ARID1B: variants seen among roughly 807,000 people sequenced by gnomAD.
The protein encoded by ARID1B is AT-rich interaction domain 1B, also known as AT-rich interactive domain-containing protein 1B.
In ARID1B, 30 loss-of-function variants were observed where a neutral mutation model predicts 212.3. The observed-to-expected ratio is 0.14, with a 90% confidence interval of 0.11 to 0.19. ARID1B has a LOEUF of 0.19. Ranked by LOEUF, ARID1B falls within the 10% of genes least tolerant of loss-of-function variation. ARID1B has a pLI of 1.00. For synonymous variants in ARID1B, 1,402 were observed against 1,301.7 expected (o/e 1.08, Z -1.66); for missense variants, 2,891 against 3,204.0 (o/e 0.90, Z 2.36).
chr6:156,998,542 A>G (rs1049229387), intron 4 of ARID1B, among the ~76,000 whole-genome samples: 1 of 152,134 alleles, frequency 6.6e-6, no homozygotes, highest in African/African-American at 2.4e-5. Flanking sequence ...TTTTGAAAGA[A>G]GTTGAGAAAA....
At position 156,829,438 on chromosome 6, in the gene ARID1B, C is replaced by T. The variant is rs374035605; in HGVS notation, c.1986+17C>T. The T allele has an allele frequency of 1.3e-5, 21 of 1,603,288 alleles. No individual in the cohort carries two copies. Among genetic ancestry groups the T allele is most frequent in the African/African-American group, 4.0e-5 (3 of 74,444 alleles). On this transcript the variant is annotated intron_variant, in intron 2 of 19. Coordinates refer to ENST00000636930, the MANE Select transcript of ARID1B (RefSeq NM_001374828.1). Reference sequence around the variant, plus strand: ...CAGCAGCAGGTTTGTGCTGGTCCCCCGACCCGCTGCTTTTTTGTAATAGTT... The same window carrying T: ...CAGCAGCAGGTTTGTGCTGGTCCCCTGACCCGCTGCTTTTTTGTAATAGTT...
intron 8 of ARID1B, among the ~76,000 whole-genome samples, chr6:157,161,774 G>A (rs1197925602): frequency 6.6e-6 from 1 of 152,170 alleles, no homozygotes; most frequent in Admixed American, 6.5e-5. Flanking sequence ...TTGGGTTTAA[G>A]TGATAAAGTG....
At chr6:156,853,403 G>A (rs1010387722) in intron 2 of ARID1B, among the ~76,000 whole-genome samples, 1 of 152,196 alleles carries the variant, frequency 6.6e-6, no homozygotes, top group Admixed American at 6.5e-5. Context: ...AGTCCTCTAG[G>A]GTGGTCAGTT....
chr6:156,924,352 T>C (rs569024595), intron 3 of ARID1B, among the ~76,000 whole-genome samples: 2 of 152,258 alleles, frequency 1.3e-5, no homozygotes, highest in South Asian at 4.1e-4. Context: ...TCTTTGCTTA[T>C]TAAGTCAAGA....
chr6:156,788,561 A>G (rs1779800299), intron 1 of ARID1B, among the ~76,000 whole-genome samples: 2 of 152,208 alleles, frequency 1.3e-5, no homozygotes, highest in African/African-American at 4.8e-5. Flanking sequence ...AAAGGAACGA[A>G]GTTGCAAAAA....
intron 4 of ARID1B, among the ~76,000 whole-genome samples, chr6:157,079,948 C>CT (rs1038646803): frequency 8.5e-5 from 13 of 152,214 alleles, no homozygotes; most frequent in Middle Eastern, 3.4e-3. Context: ...AATTAAGAGA[C>CT]TTTTTTTGAA....
chr6:156,993,238 C>CA (rs1384517648), intron 4 of ARID1B, among the ~76,000 whole-genome samples: 5 of 152,148 alleles, frequency 3.3e-5, no homozygotes, highest in Non-Finnish European at 5.9e-5. Flanking sequence ...GATGGGGTTT[C>CA]ACCATGTTGG....
intron 1 of ARID1B, among the ~76,000 whole-genome samples, chr6:156,828,126 G>A (rs1156960347): frequency 6.8e-6 from 1 of 146,434 alleles, no homozygotes; most frequent in African/African-American, 2.5e-5. Flanking sequence ...GTGGAGTGGT[G>A]TGATCATAGC....
intron 1 of ARID1B, among the ~76,000 whole-genome samples, chr6:156,806,000 G>A (rs532291292): frequency 6.6e-6 from 1 of 152,094 alleles, no homozygotes; most frequent in African/African-American, 2.4e-5. Flanking sequence ...TTGAAACCCT[G>A]TAATGTGAGT....
intron 7 of ARID1B, among the ~76,000 whole-genome samples, chr6:157,145,711 T>C (rs1789679115): frequency 6.6e-6 from 1 of 152,212 alleles, no homozygotes; most frequent in Non-Finnish European, 1.5e-5. Flanking sequence ...GCAGAGTGTG[T>C]CATGCTTGGA....
In ARID1B at chr6:157,210,585, C is replaced by G. The variant is rs960133137; in HGVS notation, c.*2694C>G. The stretch of plus-strand genomic sequence containing the variant: ...ACAGAAGCCCACGAAGAATTTACAG[C>G]CTGCTTGAGATCATCTTGCCTATAA... On this transcript the variant is annotated 3_prime_UTR_variant, in exon 20 of 20. Transcript: ENST00000636930. The G allele has an allele frequency of 2.6e-5, 6 of 232,308 alleles. No individual in the cohort carries two copies. The highest frequency in any genetic ancestry group is 4.2e-5 in the Non-Finnish European group (5 of 117,710). The allele number at this position is 232,308 out of a possible 1,614,324, so 14.4% of individuals were successfully genotyped here.
intron 2 of ARID1B, among the ~76,000 whole-genome samples, chr6:156,831,846 A>G (rs1416536885): frequency 6.6e-6 from 1 of 152,246 alleles, no homozygotes. Flanking sequence ...TTAAGCACAG[A>G]TCTTTCTGAT....
intron 4 of ARID1B, among the ~76,000 whole-genome samples, chr6:157,039,854 C>T (rs12180283): frequency 1.1e-3 from 132 of 118,474 alleles, no homozygotes; most frequent in Non-Finnish European, 1.3e-3. Flanking sequence ...CTCTTTCTCT[C>T]TCTTTCTCTC....
chr6:156,899,443 C>A (rs1033993505), intron 2 of ARID1B, among the ~76,000 whole-genome samples: 1 of 152,254 alleles, frequency 6.6e-6, no homozygotes, highest in Non-Finnish European at 1.5e-5. Flanking sequence ...AGGTGGGGTG[C>A]CAGCAAAGTT....
intron 2 of ARID1B, among the ~76,000 whole-genome samples, chr6:156,883,564 C>G (rs1787268207): frequency 6.6e-6 from 1 of 152,136 alleles, no homozygotes; most frequent in Non-Finnish European, 1.5e-5. Context: ...GTCTTCCATG[C>G]TTTCCTCTCC....
At chr6:156,873,944 AT>A (rs1167166540) in intron 2 of ARID1B, among the ~76,000 whole-genome samples, 2 of 152,130 alleles carry the variant, frequency 1.3e-5, no homozygotes, top group Admixed American at 6.5e-5. Context: ...CTCTTCCTCC[AT>A]CTGCTTTGCC....
At chr6:156,996,387 G>C (rs1778593191) in intron 4 of ARID1B, among the ~76,000 whole-genome samples, 1 of 152,162 alleles carries the variant, frequency 6.6e-6, no homozygotes, top group South Asian at 2.1e-4. Context: ...TCTTGTAAAG[G>C]CATCCTCAAC....
intron 4 of ARID1B, among the ~76,000 whole-genome samples, chr6:157,013,168 G>A (rs60635196): frequency 1.1e-3 from 173 of 152,344 alleles, no homozygotes; most frequent in African/African-American, 3.4e-3. Context: ...CGTGAGCCAC[G>A]GCGCCCTGCC....
chr6:157,151,535 A>G (rs1212443629), intron 8 of ARID1B: 3 of 152,256 alleles, frequency 2.0e-5, no homozygotes, highest in Admixed American at 2.0e-4. Flanking sequence ...GTGTTGCCAT[A>G]TTATTCTCAA....
Sources: allele counts gnomAD v4.1 joint callset (sites outside exome capture counted in the v4.1 genomes callset), GRCh38; gene constraint gnomAD v4.1.1; transcripts MANE v1.5; gene names NCBI Gene and HGNC (gene_info 2026-07-23, HGNC 2026-07-21).